Variants in SULT6B1 observed in about 807,000 individuals in gnomAD.
SULT6B1 encodes the protein sulfotransferase family 6B member 1, also known as sulfotransferase 6B1.
A neutral mutation model predicts 37.2 loss-of-function variants in SULT6B1; 44 were observed. The observed-to-expected ratio is 1.18, with a 90% CI of 0.93 to 1.52. SULT6B1 has a LOEUF of 1.52. Ranked by LOEUF, SULT6B1 falls within the 40% of genes most tolerant of loss-of-function variation. The pLI is 0.00. For missense variants in SULT6B1, 450 were observed against 361.0 expected (o/e 1.25, Z -2.00); for synonymous variants, 140 against 126.0 (o/e 1.11, Z -0.74).
intron 2 of SULT6B1, among the ~76,000 whole-genome samples, chr2:37,187,103 T>C (rs1676690414): frequency 6.6e-6 from 1 of 152,236 alleles, no homozygotes; most frequent in African/African-American, 2.4e-5. Context: ...GGTTCAAATC[T>C]TGGCTCTATC....
At chr2:37,190,879 G>A (rs1224302794), upstream of SULT6B1, among the ~76,000 whole-genome samples, 1 of 152,092 alleles carries the variant, frequency 6.6e-6, no homozygotes. Context: ...CTCCCCCTAA[G>A]CACAAGGATT....
intron 2 of SULT6B1, among the ~76,000 whole-genome samples, chr2:37,186,658 G>A (rs572242037): frequency 3.7e-4 from 56 of 152,210 alleles, no homozygotes; most frequent in Non-Finnish European, 6.8e-4. Flanking sequence ...TTGGGAGGCC[G>A]AGGTGGGAGG....
upstream of SULT6B1, among the ~76,000 whole-genome samples, chr2:37,191,734 CG>C (rs907628671): frequency 6.6e-6 from 1 of 151,954 alleles, no homozygotes; most frequent in African/African-American, 2.4e-5. Context: ...AAGGTGGGTA[CG>C]AAAAAAACTG....
chr2:37,186,679 C>G (rs1365972321), intron 2 of SULT6B1, among the ~76,000 whole-genome samples: 2 of 151,996 alleles, frequency 1.3e-5, no homozygotes, highest in Non-Finnish European at 2.9e-5. Flanking sequence ...ATCACTTGAG[C>G]CCAGGAGTTC....
chr2:37,175,706 T>C (rs1410622850), intron 4 of SULT6B1, among the ~76,000 whole-genome samples: 2 of 152,214 alleles, frequency 1.3e-5, no homozygotes, highest in Admixed American at 1.3e-4. Flanking sequence ...ACCCAGTTTA[T>C]CAAAAATATT....
rs775487997 is a variant in SULT6B1 at position 37,179,423 on chromosome 2, T to C, written c.529+35A>G. On this transcript the variant is annotated intron_variant, in intron 4 of 6. Coordinates refer to ENST00000535679, the MANE Select transcript of SULT6B1 (RefSeq NM_001367551.1). ...TTTTCACATTTATGTGGTCATCTGA[T>C]CAAGTAAGAATAATTCTTTTACCAA... The C allele has an allele frequency of 1.2e-5, 19 of 1,610,730 alleles. 1 individual carries two copies. In the South Asian group the frequency reaches 2.1e-4, roughly 18 times the overall value.
At chr2:37,175,326 A>AGT in intron 4 of SULT6B1, 100 bp from the exon 5 acceptor site, 3 of 496,352 alleles carry the variant, frequency 6.0e-6, no homozygotes, top group Non-Finnish European at 1.0e-5. Context: ...ATATGTGTAT[A>AGT]TGCTCGAGAT....
At chr2:37,174,353 G>A (rs889170665) in intron 5 of SULT6B1, among the ~76,000 whole-genome samples, 1 of 147,466 alleles carries the variant, frequency 6.8e-6, no homozygotes, top group African/African-American at 2.5e-5. Flanking sequence ...TCCTGTCTCA[G>A]CTTCCTGAGT....
chr2:37,175,082 C>T (rs11569753), intron 5 of SULT6B1, 50 bp downstream of exon 5: 32,148 of 1,111,118 alleles, frequency 0.029, 599 homozygotes, highest in Middle Eastern at 0.037. Context: ...AAGTGCTCTA[C>T]GTTGTAGTTT....
intron 2 of SULT6B1, among the ~76,000 whole-genome samples, chr2:37,185,092 G>C (rs188680764): frequency 1.3e-5 from 2 of 152,096 alleles, no homozygotes; most frequent in East Asian, 3.9e-4. Flanking sequence ...AGCACTTTGT[G>C]CAAAATTGCA....
chr2:37,169,483 CTTGTTTTTGTTT>C (rs373450903), intron 6 of SULT6B1, among the ~76,000 whole-genome samples: 1 of 151,696 alleles, frequency 6.6e-6, no homozygotes, highest in Non-Finnish European at 1.5e-5. Flanking sequence ...TTTTTGTTTT[CTTGTTTTTGTTT>C]TTGTTTTTGT....
intron 6 of SULT6B1, among the ~76,000 whole-genome samples, chr2:37,170,108 T>C (rs993354304): frequency 2.0e-5 from 3 of 152,184 alleles, no homozygotes; most frequent in African/African-American, 7.2e-5. Flanking sequence ...TGTGTAGTAA[T>C]ATGCCTGGCT....
rs368236338 is a variant in SULT6B1, at chr2:37,183,404, T to C, written c.402+21A>G. 65 of 1,586,072 alleles carry C rather than the reference T, an allele frequency of 4.1e-5. No homozygotes were observed. In the Middle Eastern group the frequency reaches 6.7e-4, roughly 16 times the overall value. On this transcript the variant is annotated intron_variant, in intron 3 of 6. Transcript: ENST00000535679. ...TATACATAGAAATTTCAAAGAATTATCAGTAGGAAAGGACACTCACCTTGG... is the reference window on the plus strand; with the variant it reads ...TATACATAGAAATTTCAAAGAATTACCAGTAGGAAAGGACACTCACCTTGG...
upstream of SULT6B1, among the ~76,000 whole-genome samples, chr2:37,189,159 T>C (rs765820940): frequency 3.9e-5 from 6 of 152,166 alleles, no homozygotes; most frequent in Non-Finnish European, 8.8e-5. Flanking sequence ...GATACACAAG[T>C]CTAAAGACCT....
At chr2:37,189,966 C>T (rs1245022409), upstream of SULT6B1, 1 of 152,240 alleles carries the variant, frequency 6.6e-6, no homozygotes, top group East Asian at 1.9e-4. Context: ...ACTAACAAGA[C>T]AGAGGAAGCC....
intron 2 of SULT6B1, 105 bp downstream of exon 2, chr2:37,187,250 A>T: frequency 1.4e-6 from 1 of 720,406 alleles, no homozygotes; most frequent in Non-Finnish European, 2.4e-6. Flanking sequence ...AAATTGTGGT[A>T]ATTATTAGCA....
intron 1 of SULT6B1, among the ~76,000 whole-genome samples, chr2:37,188,107 C>A (rs1558452422): frequency 6.6e-6 from 1 of 152,148 alleles, no homozygotes; most frequent in Non-Finnish European, 1.5e-5. Flanking sequence ...GAAATCAAGA[C>A]AAAATCACTG....
intron 3 of SULT6B1, among the ~76,000 whole-genome samples, chr2:37,182,310 G>C (rs1279187734): frequency 1.3e-5 from 2 of 150,282 alleles, no homozygotes; most frequent in African/African-American, 4.9e-5. Flanking sequence ...CTGGAGAGCA[G>C]TGGCGAGATT....
chr2:37,187,410 T>G lies in SULT6B1; in HGVS notation c.257A>C (p.Lys86Thr). 6.3e-7 allele frequency: 1 copy of G among 1,588,046 alleles called. No homozygotes were observed. The highest frequency in any genetic ancestry group is 1.1e-5 in the South Asian group (1 of 88,238). The change falls in exon 2 of 7, where the codon AAG becomes ACG. Residue 86 changes from lysine to threonine, a missense_variant. By Grantham distance (78) the Lys-to-Thr change is moderately conservative (BLOSUM62 -1). Transcript: ENST00000535679. ...AACTGGGAATTCTGGATATTTATAC[T>G]TTTTTTTAGAAACAGCATATATTAA... Reference protein sequence around the residue: ...SELIYAVSKKKYKYPEFPVLE... With the variant: ...SELIYAVSKKTYKYPEFPVLE...
Sources: allele counts gnomAD v4.1 joint callset (sites outside exome capture counted in the v4.1 genomes callset), GRCh38; gene constraint gnomAD v4.1.1; transcripts MANE v1.5; gene names NCBI Gene and HGNC (gene_info 2026-07-23, HGNC 2026-07-21).